ENOX1: variants seen among roughly 807,000 people sequenced by gnomAD.
ENOX1 encodes ecto-NOX disulfide-thiol exchanger 1.
In ENOX1, 42 loss-of-function variants were observed where a neutral mutation model predicts 82.5. The observed-to-expected ratio is 0.51, with a 90% confidence interval of 0.40 to 0.66. The LOEUF is 0.66. Ranked by LOEUF, ENOX1 falls within the 30% of genes least tolerant of loss-of-function variation. ENOX1 has a pLI of 0.00. For synonymous variants in ENOX1, 271 were observed against 282.2 expected, an observed-to-expected ratio of 0.96 and a Z score of 0.40; for missense variants, 608 against 811.6, an observed-to-expected ratio of 0.75 and a Z score of 3.05.
At chr13:43,552,500 T>C (rs569050846) in intron 2 of ENOX1, among the ~76,000 whole-genome samples, 8 of 152,316 alleles carry the variant, frequency 5.3e-5, no homozygotes, top group South Asian at 2.1e-4. Context: ...TTAAATAATT[T>C]AGCTCTTCTG....
chr13:43,262,140 A>ATGAC (rs1269916692), intron 14 of ENOX1, among the ~76,000 whole-genome samples: 3 of 152,196 alleles, frequency 2.0e-5, no homozygotes, highest in African/African-American at 7.2e-5. Flanking sequence ...GGTCATATAC[A>ATGAC]TGACTGGAAA....
intron 3 of ENOX1, among the ~76,000 whole-genome samples, chr13:43,481,430 T>C (rs2058504848): frequency 6.6e-6 from 1 of 152,068 alleles, no homozygotes. Flanking sequence ...TATTCTTCAA[T>C]AAATTGTGCT....
chr13:43,718,711 TAGAATC>T, intron 1 of ENOX1, among the ~76,000 whole-genome samples: 1 of 113,458 alleles, frequency 8.8e-6, no homozygotes, highest in African/African-American at 3.7e-5. Context: ...AAAAAAAAAT[TAGAATC>T]ATAATAAAGC....
At chr13:43,364,547 A>G (rs1403514862) in intron 5 of ENOX1, among the ~76,000 whole-genome samples, 1 of 151,978 alleles carries the variant, frequency 6.6e-6, no homozygotes, top group Non-Finnish European at 1.5e-5. Context: ...GGACGAGATG[A>G]AAACAAACAA....
intron 3 of ENOX1, among the ~76,000 whole-genome samples, chr13:43,483,739 T>A (rs529874693): frequency 6.6e-5 from 10 of 152,342 alleles, no homozygotes; most frequent in African/African-American, 2.4e-4. Flanking sequence ...AGTTAGAATT[T>A]ATAAACACAA....
At chr13:43,361,144 A>G in intron 6 of ENOX1, 135 bp downstream of exon 6, 1 of 848,072 alleles carries the variant, frequency 1.2e-6, no homozygotes, top group Non-Finnish European at 1.8e-6. Context: ...TAGAGACAAA[A>G]GGCCTTCTGT....
At chr13:43,612,948 T>C (rs1000822517) in intron 2 of ENOX1, among the ~76,000 whole-genome samples, 1 of 152,184 alleles carries the variant, frequency 6.6e-6, no homozygotes, top group Admixed American at 6.5e-5. Flanking sequence ...TTCTGAGTAA[T>C]AAAAATGTTC....
intron 5 of ENOX1, among the ~76,000 whole-genome samples, chr13:43,411,155 A>G (rs1296732279): frequency 6.6e-6 from 1 of 152,094 alleles, no homozygotes; most frequent in Non-Finnish European, 1.5e-5. Flanking sequence ...GACTCTACAC[A>G]TCATTTTTAT....
chr13:43,221,318 A>C lies in ENOX1; in HGVS notation c.1800+2735T>G, dbSNP rs185911467. Among the ~76,000 whole-genome samples, 199 of 152,352 alleles carry C rather than the reference A, an allele frequency of 1.3e-3. 1 individual carries two copies. Among genetic ancestry groups the C allele is most frequent in the African/African-American group, 4.6e-3 (193 of 41,578 alleles). On this transcript the variant is annotated intron_variant, in intron 16 of 16. Coordinates refer to ENST00000690772, the MANE Select transcript of ENOX1 (RefSeq NM_001347969.2). ...TGACTGTAAGAAGTATTCATCTGCT[A>C]ATGCTCAAGTCAAATGTTTCTTCTG...
chr13:43,628,765 A>G (rs1373990342), intron 2 of ENOX1, among the ~76,000 whole-genome samples: 1 of 152,170 alleles, frequency 6.6e-6, no homozygotes, highest in Non-Finnish European at 1.5e-5. Flanking sequence ...CCTTGCTCCC[A>G]TAGGGGAAGG....
At chr13:43,643,626 T>C (rs1045054157) in intron 2 of ENOX1, among the ~76,000 whole-genome samples, 39 of 144,328 alleles carry the variant, frequency 2.7e-4, no homozygotes, top group Non-Finnish European at 1.5e-4. Flanking sequence ...TGTATGTATG[T>C]GTGTGTGTAT....
rs1261353027 is a variant in ENOX1 at position 43,557,925 on chromosome 13, A to C, written c.-218-73773T>G. Among the ~76,000 whole-genome samples the C allele has an allele frequency of 2.6e-5, 4 of 152,340 alleles. No individual in the cohort carries two copies. The East Asian group carries it at 5.8e-4, about 22-fold the overall frequency. ...GGAGATCATAGCTGATAGGGTGTGT[A>C]CTACTTACTACAACTGCTATTCTCC... is the stretch of plus-strand genomic sequence containing the variant. On this transcript the variant is annotated intron_variant, in intron 2 of 16. Coordinates refer to ENST00000690772, the MANE Select transcript of ENOX1 (RefSeq NM_001347969.2).
At chr13:43,391,550 G>C (rs1205535093) in intron 5 of ENOX1, among the ~76,000 whole-genome samples, 1 of 152,108 alleles carries the variant, frequency 6.6e-6, no homozygotes, top group Admixed American at 6.6e-5. Context: ...TGTTCCTCCT[G>C]TGTTTCTCAC....
At chr13:43,281,419 G>A (rs999196011) in intron 12 of ENOX1, among the ~76,000 whole-genome samples, 3 of 152,076 alleles carry the variant, frequency 2.0e-5, no homozygotes, top group Non-Finnish European at 4.4e-5. Flanking sequence ...GAAGTGAGCC[G>A]AGTTAGACCT....
intron 1 of ENOX1, among the ~76,000 whole-genome samples, chr13:43,719,542 C>T (rs561697523): frequency 5.9e-5 from 9 of 152,184 alleles, no homozygotes; most frequent in South Asian, 2.1e-4. Flanking sequence ...GAAGATCACA[C>T]GCGAAATTCT....
intron 3 of ENOX1, among the ~76,000 whole-genome samples, chr13:43,477,030 T>C (rs2153652688): frequency 7.0e-6 from 1 of 143,288 alleles, no homozygotes; most frequent in South Asian, 2.4e-4. Context: ...CTCCATATAT[T>C]AAGAGAGAGA....
At chr13:43,390,542 C>A (rs1258856971) in intron 5 of ENOX1, among the ~76,000 whole-genome samples, 1 of 152,120 alleles carries the variant, frequency 6.6e-6, no homozygotes, top group Non-Finnish European at 1.5e-5. Flanking sequence ...ATTTTTCTGT[C>A]TCAGTTTCAC....
At chr13:43,252,184 C>G (rs2153471172) in intron 14 of ENOX1, among the ~76,000 whole-genome samples, 1 of 152,332 alleles carries the variant, frequency 6.6e-6, no homozygotes. Context: ...TGTAATCTCA[C>G]AGAGAGGCTG....
intron 2 of ENOX1, among the ~76,000 whole-genome samples, chr13:43,644,359 G>A (rs936740557): frequency 4.6e-5 from 7 of 152,064 alleles, no homozygotes; most frequent in Non-Finnish European, 7.4e-5. Flanking sequence ...CTCTGTGTAC[G>A]CCTACAATTA....
Sources: gnomAD v4.1 joint callset for allele counts (sites outside exome capture counted in the v4.1 genomes callset) on GRCh38, gnomAD v4.1.1 for gene constraint, MANE v1.5 for transcripts, NCBI Gene and HGNC (gene_info 2026-07-23, HGNC 2026-07-21) for gene names.